Variants in CFAP100 observed in about 807,000 individuals in gnomAD.
CFAP100 encodes the protein cilia and flagella associated protein 100, also known as cilia- and flagella-associated protein 100.
Under a neutral mutation model 81.5 loss-of-function variants are expected in CFAP100, and 70 were observed. The ratio of observed to expected loss-of-function variants is 0.86; its 90% confidence interval spans 0.71 to 1.05. The LOEUF is 1.05. Ranked by LOEUF, CFAP100 falls within the 50% of genes least tolerant of loss-of-function variation. The pLI is 0.00. For synonymous variants in CFAP100, 341 were observed against 314.8 expected (o/e 1.08, Z -0.88); for missense variants, 811 against 776.5 (o/e 1.04, Z -0.53).
intron 3 of CFAP100, among the ~76,000 whole-genome samples, chr3:126,411,279 T>G (rs1037170445): frequency 6.6e-6 from 1 of 152,038 alleles, no homozygotes; most frequent in African/African-American, 2.4e-5. Flanking sequence ...GCTGTTGGAT[T>G]CAGTTAGCTA....
At chr3:126,430,607 C>G (rs1468068958) in intron 13 of CFAP100, among the ~76,000 whole-genome samples, 2 of 151,810 alleles carry the variant, frequency 1.3e-5, no homozygotes, top group African/African-American at 2.4e-5. Flanking sequence ...GCTTTTTTCT[C>G]TTTTTCATTT....
At chr3:126,404,949 G>GT (rs1252887192) in intron 2 of CFAP100, among the ~76,000 whole-genome samples, 1 of 152,194 alleles carries the variant, frequency 6.6e-6, no homozygotes, top group Non-Finnish European at 1.5e-5. Context: ...GATTACAGGC[G>GT]TGAGCCACCA....
intron 15 of CFAP100, 120 bp downstream of exon 15, chr3:126,434,501 T>G: frequency 1.0e-6 from 1 of 985,292 alleles, no homozygotes. Flanking sequence ...CTCTGTGCTA[T>G]GAGAGACAAA....
At chr3:126,395,341 C>T (rs2082872777) in intron 1 of CFAP100, 1 of 152,256 alleles carries the variant, frequency 6.6e-6, no homozygotes, top group East Asian at 1.9e-4. Flanking sequence ...CCCCTCCTGA[C>T]TGTGACTTTG....
In CFAP100 at chr3:126,436,442, C is replaced by T. The variant is rs917374202; in HGVS notation, c.*38C>T. 2 of 1,529,868 alleles carry T rather than the reference C, an allele frequency of 1.3e-6. No homozygotes were observed. Among genetic ancestry groups the T allele is most frequent in the Middle Eastern group, 1.7e-4 (1 of 5,718 alleles). The allele number at this position is 1,529,868 out of a possible 1,614,324, so 94.8% of individuals were successfully genotyped here. On this transcript the variant is annotated 3_prime_UTR_variant, in exon 17 of 17. Coordinates refer to ENST00000352312, the MANE Select transcript of CFAP100 (RefSeq NM_182628.3). Reference sequence around the variant, plus strand: ...ATAGCTGTTCTGGCTGAAGGCTTAGCAAAGATGTTGGCAGAGGAAGCAGAG... The same window carrying T: ...ATAGCTGTTCTGGCTGAAGGCTTAGTAAAGATGTTGGCAGAGGAAGCAGAG...
At chr3:126,420,335 T>A in intron 11 of CFAP100, 106 bp downstream of exon 11, 4 of 1,458,910 alleles carry the variant, frequency 2.7e-6, no homozygotes, top group Non-Finnish European at 3.7e-6. Context: ...GAAAGTGTGT[T>A]ACTCACAGTC....
chr3:126,435,958 C>A (rs1933429411), intron 16 of CFAP100, among the ~76,000 whole-genome samples: 1 of 152,196 alleles, frequency 6.6e-6, no homozygotes, highest in East Asian at 1.9e-4. Context: ...TCCGGCCAGA[C>A]CCCAAGCCCT....
chr3:126,420,328 A>G, intron 11 of CFAP100, 99 bp downstream of exon 11: 2 of 1,493,110 alleles, frequency 1.3e-6, no homozygotes, highest in Non-Finnish European at 1.8e-6. Flanking sequence ...CAGAAAAGAA[A>G]GTGTGTTACT....
chr3:126,411,035 T>C (rs982635817), intron 3 of CFAP100, among the ~76,000 whole-genome samples: 9 of 152,240 alleles, frequency 5.9e-5, no homozygotes, highest in Non-Finnish European at 1.3e-4. Context: ...ATCACTTGGC[T>C]CAAGCCTCTC....
intron 13 of CFAP100, among the ~76,000 whole-genome samples, chr3:126,424,790 G>A (rs1041593151): frequency 6.6e-6 from 1 of 152,248 alleles, no homozygotes; most frequent in Non-Finnish European, 1.5e-5. Context: ...CTAAAATGGA[G>A]GGTGACAGCA....
intron 3 of CFAP100, among the ~76,000 whole-genome samples, chr3:126,409,116 C>T (rs1221592979): frequency 6.6e-6 from 1 of 152,110 alleles, no homozygotes; most frequent in Admixed American, 6.5e-5. Context: ...CAAATGTGTA[C>T]AATGTGTTTC....
intron 2 of CFAP100, among the ~76,000 whole-genome samples, chr3:126,404,290 G>C (rs1437257141): frequency 1.3e-5 from 2 of 152,232 alleles, no homozygotes; most frequent in Admixed American, 6.5e-5. Context: ...ATCAGGTTTA[G>C]AGTTTCTCCA....
intron 4 of CFAP100, among the ~76,000 whole-genome samples, chr3:126,416,056 G>A (rs1192239877): frequency 1.3e-5 from 2 of 152,176 alleles, no homozygotes; most frequent in Non-Finnish European, 2.9e-5. Context: ...GGGTAAGCGT[G>A]CCCCCTCTGT....
chr3:126,423,214 G>A, intron 11 of CFAP100, 111 bp from the exon 12 acceptor site: 5 of 835,816 alleles, frequency 6.0e-6, no homozygotes, highest in Admixed American at 2.8e-5. Context: ...GGGCAGCTGG[G>A]AGAGGAGGGA....
At position 126,407,383 on chromosome 3, in the gene CFAP100, T is replaced by C. The variant is rs138452337; in HGVS notation, c.130+131T>C. ...GAAATGTTTCTCTTTCCATTAGGAA[T>C]TGGGTTGACTTGAAATAACAGGCAT... On this transcript the variant is annotated intron_variant, in intron 3 of 16. Coordinates refer to ENST00000352312, the MANE Select transcript of CFAP100 (RefSeq NM_182628.3). 4.1e-3 allele frequency: 2,315 copies of C among 569,106 alleles called. 31 individuals carry two copies. The highest frequency in any genetic ancestry group is 0.036 in the Admixed American group (1,167 of 32,852). 35.3% of individuals were successfully genotyped at this position (569,106 alleles called of 1,614,324 possible).
intron 3 of CFAP100, among the ~76,000 whole-genome samples, chr3:126,408,362 A>C (rs2083101853): frequency 6.6e-6 from 1 of 152,186 alleles, no homozygotes; most frequent in Non-Finnish European, 1.5e-5. Flanking sequence ...TAATCCCAGA[A>C]ACATTTTCCG....
intron 2 of CFAP100, among the ~76,000 whole-genome samples, chr3:126,406,122 C>T (rs1448936626): frequency 6.6e-6 from 1 of 152,092 alleles, no homozygotes; most frequent in East Asian, 1.9e-4. Context: ...CCTGAGTTCT[C>T]CCCAGCCTCA....
intron 13 of CFAP100, among the ~76,000 whole-genome samples, chr3:126,429,611 A>G (rs1219386054): frequency 2.7e-5 from 3 of 111,484 alleles, no homozygotes; most frequent in African/African-American, 1.0e-4. Context: ...CTTCTTTTGT[A>G]TCTACTGTAG....
chr3:126,413,970 T>C (rs1261582896), intron 3 of CFAP100, 115 bp from the exon 4 acceptor site: 3 of 749,552 alleles, frequency 4.0e-6, no homozygotes, highest in Non-Finnish European at 7.2e-6. Flanking sequence ...GGGGGAACCT[T>C]CCCACTCACT....
Sources: allele counts gnomAD v4.1 joint callset (sites outside exome capture counted in the v4.1 genomes callset), GRCh38; gene constraint gnomAD v4.1.1; transcripts MANE v1.5; gene names NCBI Gene and HGNC (gene_info 2026-07-23, HGNC 2026-07-21).